CTNNBIP1: variants seen among roughly 807,000 people sequenced by gnomAD.
CTNNBIP1 encodes catenin beta interacting protein 1.
A neutral mutation model predicts 11.8 loss-of-function variants in CTNNBIP1; 7 were observed. The observed-to-expected ratio is 0.60, with a 90% CI of 0.34 to 1.12. The LOEUF is 1.12. Ranked by LOEUF, CTNNBIP1 falls within the 50% of genes most tolerant of loss-of-function variation. CTNNBIP1 has a pLI of 0.03. For missense variants in CTNNBIP1, 101 were observed against 113.4 expected (o/e 0.89, Z 0.50); for synonymous variants, 58 against 43.9 (o/e 1.32, Z -1.26).
At chr1:9,899,927 AGCTGAGCCTGGTG>A (rs751386026) in intron 1 of CTNNBIP1, among the ~76,000 whole-genome samples, 3 of 151,760 alleles carry the variant, frequency 2.0e-5, no homozygotes, top group Non-Finnish European at 4.4e-5. Context: ...TACAAAAATT[AGCTGAGCCTGGTG>A]GCACATGCCT....
chr1:9,909,877 G>A (rs1185303264), intron 1 of CTNNBIP1, among the ~76,000 whole-genome samples: 2 of 152,016 alleles, frequency 1.3e-5, no homozygotes, highest in Non-Finnish European at 2.9e-5. Flanking sequence ...GGCGACCCCC[G>A]GGCGAAGAGT....
intron 5 of CTNNBIP1, among the ~76,000 whole-genome samples, chr1:9,870,182 G>A (rs1211392409): frequency 6.6e-6 from 1 of 152,248 alleles, no homozygotes; most frequent in Non-Finnish European, 1.5e-5. Flanking sequence ...CAGCCTCAAA[G>A]CACAGCAAAC....
intron 5 of CTNNBIP1, among the ~76,000 whole-genome samples, chr1:9,860,526 C>T (rs913325656): frequency 6.7e-6 from 1 of 149,244 alleles, no homozygotes; most frequent in Non-Finnish European, 1.5e-5. Flanking sequence ...AGGAGAGTCG[C>T]TTGAACCTGG....
At chr1:9,907,296 G>T (rs543885716) in intron 1 of CTNNBIP1, among the ~76,000 whole-genome samples, 1 of 152,072 alleles carries the variant, frequency 6.6e-6, no homozygotes, top group African/African-American at 2.4e-5. Flanking sequence ...TCAGCCTCTC[G>T]AGTAGCTGGG....
At chr1:9,885,698 CT>C in intron 1 of CTNNBIP1, among the ~76,000 whole-genome samples, 1 of 151,352 alleles carries the variant, frequency 6.6e-6, no homozygotes, top group African/African-American at 2.4e-5. Context: ...AATCCCAGAA[CT>C]TTGGGAGGCC....
In CTNNBIP1 at chr1:9,850,167, C is replaced by A. The variant is rs1638348464; in HGVS notation, c.*551G>T. 6.5e-6 allele frequency: 1 copy of A among 152,676 alleles called. No homozygotes were observed. Among genetic ancestry groups the A allele is most frequent in the Non-Finnish European group, 1.5e-5 (1 of 68,086 alleles). The allele number at this position is 152,676 out of a possible 1,614,324, so 9.5% of individuals were successfully genotyped here. On this transcript the variant is annotated 3_prime_UTR_variant, in exon 6 of 6. Coordinates refer to ENST00000377263, the MANE Select transcript of CTNNBIP1 (RefSeq NM_020248.3). ...ATTGCAAAGCGCACTTGGTTTCTTT[C>A]TTTTCAAGTCAAATATAACGACTAA...
intron 1 of CTNNBIP1, among the ~76,000 whole-genome samples, chr1:9,909,873 C>T (rs1012348351): frequency 6.6e-6 from 1 of 151,882 alleles, no homozygotes; most frequent in Non-Finnish European, 1.5e-5. Context: ...TGGAGGCGAC[C>T]CCCGGGCGAA....
chr1:9,886,203 G>A (rs1639185333), intron 1 of CTNNBIP1, among the ~76,000 whole-genome samples: 1 of 152,116 alleles, frequency 6.6e-6, no homozygotes, highest in African/African-American at 2.4e-5. Context: ...GAGGCGGGAG[G>A]GGACCTTGCT....
intron 1 of CTNNBIP1, among the ~76,000 whole-genome samples, chr1:9,900,125 C>A (rs60547803): frequency 6.7e-6 from 1 of 149,872 alleles, no homozygotes; most frequent in South Asian, 2.1e-4. Context: ...AGGTGGAGGC[C>A]GGGTGCTGTG....
chr1:9,863,450 C>T (rs1399536209), intron 5 of CTNNBIP1, among the ~76,000 whole-genome samples: 1 of 152,168 alleles, frequency 6.6e-6, no homozygotes, highest in Non-Finnish European at 1.5e-5. Flanking sequence ...AAGCCACATG[C>T]GGGGAGAGAG....
Position 9,872,270 on chromosome 1 carries a change from G to T in CTNNBIP1, c.-24-182C>A, listed in dbSNP as rs993180931. Reference sequence around the variant, plus strand: ...TTTCTCACCCATGCTGGTCCCAGCAGGCTGAACTGAGCAGCTCTGTTCTCC... The same window carrying T: ...TTTCTCACCCATGCTGGTCCCAGCATGCTGAACTGAGCAGCTCTGTTCTCC... On this transcript the variant is annotated intron_variant, in intron 3 of 5. Transcript: ENST00000377263. This position sits in a 1 kb window ranked among gnomAD's most constrained non-coding sequence, Gnocchi z 4.0. Among the ~76,000 whole-genome samples, 3 of 152,244 alleles carry T rather than the reference G, an allele frequency of 2.0e-5. No homozygotes were observed. Among genetic ancestry groups the T allele is most frequent in the Admixed American group, 2.0e-4 (3 of 15,288 alleles).
chr1:9,857,580 C>G (rs1440248765), intron 5 of CTNNBIP1, among the ~76,000 whole-genome samples: 1 of 151,870 alleles, frequency 6.6e-6, no homozygotes, highest in African/African-American at 2.4e-5. Flanking sequence ...GCGGGCAGAT[C>G]ACCTGAGGTC....
intron 5 of CTNNBIP1, among the ~76,000 whole-genome samples, chr1:9,866,159 G>T (rs1638738982): frequency 6.6e-6 from 1 of 152,250 alleles, no homozygotes; most frequent in Non-Finnish European, 1.5e-5. Flanking sequence ...GACAGTGTGG[G>T]TGTAGCACAG....
intron 1 of CTNNBIP1, among the ~76,000 whole-genome samples, chr1:9,900,170 G>A (rs1214932260): frequency 3.9e-5 from 6 of 152,216 alleles, no homozygotes; most frequent in South Asian, 2.1e-4. Context: ...TTGGAAGGCC[G>A]AGGCGAGCAG....
intron 5 of CTNNBIP1, among the ~76,000 whole-genome samples, chr1:9,866,884 G>A (rs1638758621): frequency 6.6e-6 from 1 of 152,004 alleles, no homozygotes; most frequent in Admixed American, 6.6e-5. Context: ...AGAGAATGAA[G>A]CAGGTCTGGG....
At chr1:9,909,884 G>C (rs1266598587) in intron 1 of CTNNBIP1, among the ~76,000 whole-genome samples, 3 of 152,066 alleles carry the variant, frequency 2.0e-5, no homozygotes, top group Non-Finnish European at 4.4e-5. Flanking sequence ...CCCGGGCGAA[G>C]AGTCAGGGAG....
rs578181146 is a variant in CTNNBIP1 at position 9,891,919 on chromosome 1, G to A, written c.-143-8181C>T. Among the ~76,000 whole-genome samples, 10 of 149,868 alleles carry A rather than the reference G, an allele frequency of 6.7e-5. No homozygotes were observed. The South Asian group carries it at 1.3e-3, about 19-fold the overall frequency. On this transcript the variant is annotated intron_variant, in intron 1 of 5. Coordinates refer to ENST00000377263, the MANE Select transcript of CTNNBIP1 (RefSeq NM_020248.3). ...CAGTCTCAGGTGATTCTCCTGCCTC[G>A]GCCTCCCGAGTAGTTGGGACTACAG...
chr1:9,850,663 CCA>C lies in CTNNBIP1; in HGVS notation c.*53_*54del. ...TGCTGCCACTCAGCCGGCCCAGGAG[CCA>C]CACAGATCTCTTGGCCCTCAACAGC... On this transcript the variant is annotated 3_prime_UTR_variant, in exon 6 of 6. Coordinates refer to ENST00000377263, the MANE Select transcript of CTNNBIP1 (RefSeq NM_020248.3). 1.3e-6 allele frequency: 2 copies of C among 1,548,458 alleles called. No individual in the cohort carries two copies. The highest frequency in any genetic ancestry group is 1.8e-6 in the Non-Finnish European group (2 of 1,120,444).
intron 1 of CTNNBIP1, among the ~76,000 whole-genome samples, chr1:9,890,368 T>C (rs2101525267): frequency 6.6e-6 from 1 of 152,346 alleles, no homozygotes; most frequent in Non-Finnish European, 1.5e-5. Context: ...GTTTTCTCTC[T>C]GCACAGTGGG....
Sources: allele counts gnomAD v4.1 joint callset (sites outside exome capture counted in the v4.1 genomes callset), GRCh38; gene constraint gnomAD v4.1.1; non-coding constraint Gnocchi (gnomAD v3.1); transcripts MANE v1.5; gene names NCBI Gene and HGNC (gene_info 2026-07-23, HGNC 2026-07-21).